GNAL: variants seen among roughly 807,000 people sequenced by gnomAD.
The protein encoded by GNAL is guanine nucleotide-binding protein G(olf) subunit alpha.
GNAL carries 18 observed loss-of-function variants against 55.1 expected under a neutral mutation model. That is an observed-to-expected ratio of 0.33 (90% CI 0.23 to 0.48). The LOEUF is 0.48. GNAL is among the 20% of genes least tolerant of loss of function. The probability of loss-of-function intolerance (pLI) is 0.99; values close to 1 mark genes in which losing one functional copy is unlikely to be tolerated. For synonymous variants in GNAL, 253 were observed against 237.0 expected, an observed-to-expected ratio of 1.07 and a Z score of -0.62; for missense variants, 412 against 614.1, an observed-to-expected ratio of 0.67 and a Z score of 3.48.
chr18:11,786,377 G>C (rs965167664), intron 4 of GNAL, among the ~76,000 whole-genome samples: 1 of 140,646 alleles, frequency 7.1e-6, no homozygotes, highest in Admixed American at 7.1e-5. Flanking sequence ...AGAGATTTTA[G>C]TAATGGTTCT....
Position 11,842,735 on chromosome 18 carries a change from C to T in GNAL, c.722+17720C>T, listed in dbSNP as rs957447699. Among the ~76,000 whole-genome samples the T allele has an allele frequency of 7.9e-5, 12 of 152,212 alleles. No homozygotes were observed. In the South Asian group the frequency reaches 1.7e-3, roughly 21 times the overall value. On this transcript the variant is annotated intron_variant, in intron 5 of 11. Transcript: ENST00000334049. The stretch of plus-strand genomic sequence containing the variant: ...GGGGAACAGCTGTAAATACAGATGA[C>T]GTTTTGCTTGCTGGCTGGCACTCAC...
rs1356138315 is a variant in GNAL at position 11,857,585 on chromosome 18, T to G, written c.723-4810T>G. ...GAGATTAGAGCATAAAGCAGGGAGGTGGGGAAAGCCAAGAGGAACACGCTC... is the reference window on the plus strand; with the variant it reads ...GAGATTAGAGCATAAAGCAGGGAGGGGGGGAAAGCCAAGAGGAACACGCTC... On this transcript the variant is annotated intron_variant, in intron 5 of 11. Coordinates refer to ENST00000334049, the MANE Select transcript of GNAL (RefSeq NM_182978.4). 4.1e-6 allele frequency: 4 copies of G among 984,558 alleles called. No individual in the cohort carries two copies. The African/African-American group carries it at 7.0e-5, about 17-fold the overall frequency. The allele number at this position is 984,558 out of a possible 1,614,324, so 61.0% of individuals were successfully genotyped here.
intron 4 of GNAL, among the ~76,000 whole-genome samples, chr18:11,778,828 T>C (rs1304796692): frequency 2.0e-5 from 3 of 152,104 alleles, no homozygotes; most frequent in Non-Finnish European, 2.9e-5. Flanking sequence ...GGTTCAGATG[T>C]TCCAGAGAAT....
intron 1 of GNAL, 101 bp downstream of exon 1, chr18:11,690,040 C>G (rs1460623269): frequency 1.1e-5 from 7 of 616,588 alleles, no homozygotes; most frequent in Non-Finnish European, 1.6e-5. Flanking sequence ...CGGGGAGCGG[C>G]GGCGGGAGGG....
intron 1 of GNAL, among the ~76,000 whole-genome samples, chr18:11,690,580 G>T (rs1226050744): frequency 1.3e-5 from 2 of 149,502 alleles, no homozygotes; most frequent in Non-Finnish European, 3.0e-5. Flanking sequence ...TTTAGCATTA[G>T]GTATATCTCC....
At chr18:11,692,863 TCTCAAA>T (rs2031296799) in intron 1 of GNAL, among the ~76,000 whole-genome samples, 1 of 152,128 alleles carries the variant, frequency 6.6e-6, no homozygotes, top group Admixed American at 6.6e-5. Flanking sequence ...GCCAGGCTGA[TCTCAAA>T]CTCCTGGCCT....
chr18:11,702,966 A>T (rs576549008), intron 1 of GNAL, among the ~76,000 whole-genome samples: 3 of 152,114 alleles, frequency 2.0e-5, no homozygotes, highest in Non-Finnish European at 4.4e-5. Flanking sequence ...AAAATTACAA[A>T]AATTAGATGG....
At position 11,734,421 on chromosome 18, in the gene GNAL, G is replaced by A. The variant is rs1052260983; in HGVS notation, c.377-18432G>A. On this transcript the variant is annotated intron_variant, in intron 1 of 11. Transcript: ENST00000334049. ...CTTCCAGAGTTCTGGGATTACAGGC[G>A]TGACCCACCGCGCCGGGTGTAGATT... Among the ~76,000 whole-genome samples, 6 of 152,188 alleles carry A rather than the reference G, an allele frequency of 3.9e-5. No individual in the cohort carries two copies. The South Asian group carries it at 8.3e-4, about 21-fold the overall frequency.
At position 11,751,222 on chromosome 18, in the gene GNAL, G is replaced by C. The variant is rs2032815864; in HGVS notation, c.377-1631G>C. On this transcript the variant is annotated intron_variant, in intron 1 of 11. Coordinates refer to ENST00000334049, the MANE Select transcript of GNAL (RefSeq NM_182978.4). The surrounding 1 kb of genome is among the most constrained non-coding windows in gnomAD (Gnocchi z 4.5). ...CGACTTCGGCCCGGCCCCCTCTTCT[G>C]ACCTCCTTCCCCCAAGTACAACACT... Among the ~76,000 whole-genome samples the C allele has an allele frequency of 6.6e-6, 1 of 152,130 alleles. No individual in the cohort carries two copies. Among genetic ancestry groups the C allele is most frequent in the African/African-American group, 2.4e-5 (1 of 41,424 alleles).
chr18:11,821,288 T>C (rs1158130079), intron 4 of GNAL, among the ~76,000 whole-genome samples: 8 of 152,188 alleles, frequency 5.3e-5, no homozygotes, highest in Non-Finnish European at 8.8e-5. Flanking sequence ...AACTAAAGAA[T>C]AGAAGATGAT....
In GNAL at chr18:11,845,575, G is replaced by A. The variant is rs116413572; in HGVS notation, c.723-16820G>A. ...CCTGCCATATTGCTTGAGTTTGTAC[G>A]TTAGTTTGTAGGAACCTGACCAAAG... is the stretch of plus-strand genomic sequence containing the variant. On this transcript the variant is annotated intron_variant, in intron 5 of 11. Transcript: ENST00000334049. Among the ~76,000 whole-genome samples the A allele has an allele frequency of 7.1e-3, 1,075 of 152,184 alleles. 10 individuals are homozygous for A. The highest frequency in any genetic ancestry group is 0.024 in the African/African-American group (1,011 of 41,490).
At chr18:11,716,193 T>G (rs1473116594) in intron 1 of GNAL, among the ~76,000 whole-genome samples, 1 of 152,206 alleles carries the variant, frequency 6.6e-6, no homozygotes, top group Non-Finnish European at 1.5e-5. Context: ...GTGTCCGGAA[T>G]TGGTGGGTTC....
At chr18:11,729,959 A>G (rs1021114913) in intron 1 of GNAL, among the ~76,000 whole-genome samples, 2 of 152,232 alleles carry the variant, frequency 1.3e-5, no homozygotes, top group Non-Finnish European at 2.9e-5. Context: ...GCAGAGGCTT[A>G]CAAGTCATAG....
chr18:11,852,140 C>A, intron 5 of GNAL: 6 of 1,538,872 alleles, frequency 3.9e-6, no homozygotes, highest in Non-Finnish European at 5.3e-6. Flanking sequence ...GGTTTCCTGG[C>A]CATAGCCACC....
At chr18:11,694,146 A>G (rs941106179) in intron 1 of GNAL, among the ~76,000 whole-genome samples, 3 of 152,086 alleles carry the variant, frequency 2.0e-5, no homozygotes, top group Non-Finnish European at 4.4e-5. Context: ...CATTGTGTCC[A>G]GTCAAGTGCC....
intron 1 of GNAL, among the ~76,000 whole-genome samples, chr18:11,732,582 T>C (rs1468740344): frequency 6.6e-6 from 1 of 152,222 alleles, no homozygotes; most frequent in Non-Finnish European, 1.5e-5. Flanking sequence ...TCCTCACCCA[T>C]GGGTATCTGT....
intron 11 of GNAL, among the ~76,000 whole-genome samples, chr18:11,877,713 G>C (rs897097608): frequency 6.6e-5 from 10 of 151,720 alleles, no homozygotes; most frequent in Non-Finnish European, 1.3e-4. Context: ...ATCCTCGGCT[G>C]TGGGGCCTTT....
At chr18:11,851,460 G>C (rs1374317954) in intron 5 of GNAL, 1 of 1,478,350 alleles carries the variant, frequency 6.8e-7, no homozygotes, top group Non-Finnish European at 8.9e-7. Flanking sequence ...TACCTTCTCT[G>C]CCTTCGGCGC....
intron 1 of GNAL, among the ~76,000 whole-genome samples, chr18:11,739,195 C>G (rs1327923101): frequency 6.6e-6 from 1 of 152,192 alleles, no homozygotes; most frequent in Admixed American, 6.5e-5. Context: ...GAAACAATCT[C>G]AAACTTAGAA....
Sources: allele counts gnomAD v4.1 joint callset (sites outside exome capture counted in the v4.1 genomes callset), GRCh38; gene constraint gnomAD v4.1.1; non-coding constraint Gnocchi (gnomAD v3.1); transcripts MANE v1.5; gene names NCBI Gene and HGNC (gene_info 2026-07-23, HGNC 2026-07-21).